The following ZMAT1 variants were observed in gnomAD, a reference collection of about 807,000 sequenced individuals.
ZMAT1 encodes the protein zinc finger matrin-type protein 1.
In ZMAT1, 11 loss-of-function variants were observed where a neutral mutation model predicts 18.5. The observed-to-expected ratio is 0.59, with a 90% CI of 0.37 to 0.98. ZMAT1 has a LOEUF of 0.98. Among genes scored for constraint, ZMAT1 ranks in the 50% least tolerant of loss-of-function variants. The pLI is 0.01. For synonymous variants in ZMAT1, 211 were observed against 176.4 expected, an observed-to-expected ratio of 1.20 and a Z score of -1.55; for missense variants, 525 against 496.2, an observed-to-expected ratio of 1.06 and a Z score of -0.55.
chrX:101,904,416 C>A, intron 1 of ZMAT1, 86 bp from the exon 2 acceptor site: 5 of 701,811 alleles, frequency 7.1e-6, no homozygotes, highest in African/African-American at 4.4e-5. Context: ...TATATGATTT[C>A]ATATGATACT....
At chrX:101,892,518 C>T (rs935812338) in intron 4 of ZMAT1, among the ~76,000 whole-genome samples, 1 of 111,288 alleles carries the variant, frequency 9.0e-6, no homozygotes, top group African/African-American at 3.3e-5. Context: ...GTGTAGGTGA[C>T]TAATAAACAT....
chrX:101,925,520 C>G (rs942090101), intron 1 of ZMAT1, among the ~76,000 whole-genome samples: 1 of 112,002 alleles, frequency 8.9e-6, no homozygotes, highest in East Asian at 2.8e-4. Context: ...CCATCTTTAC[C>G]CACAACTATA....
intron 1 of ZMAT1, among the ~76,000 whole-genome samples, chrX:101,920,586 G>A (rs1929654379): frequency 8.9e-6 from 1 of 111,836 alleles, no homozygotes; most frequent in African/African-American, 3.2e-5. Context: ...GGTAGACTGT[G>A]AGTTCTGCAA....
Position 101,898,110 on chromosome X carries a change from A to C in ZMAT1, c.501+9T>G. 8.3e-7 allele frequency: 1 copy of C among 1,208,783 alleles called. No homozygotes were observed. Among genetic ancestry groups the C allele is most frequent in the East Asian group, 3.0e-5 (1 of 33,829 alleles). On this transcript the variant is annotated intron_variant, in intron 3 of 5. Transcript: ENST00000651725. Reference sequence around the variant, plus strand: ...AGTTTGGATTACAATACCAACACACATCACTCACCTGAAAATTCTCAACAT... The same window carrying C: ...AGTTTGGATTACAATACCAACACACCTCACTCACCTGAAAATTCTCAACAT...
At chrX:101,931,393 A>C in intron 1 of ZMAT1, 7 of 726,183 alleles carry the variant, frequency 9.6e-6, no homozygotes, top group Non-Finnish European at 1.1e-5. Flanking sequence ...CCTACAGCAC[A>C]CTAAGGTGTC....
intron 1 of ZMAT1, among the ~76,000 whole-genome samples, chrX:101,912,461 A>G (rs1929031969): frequency 8.9e-6 from 1 of 112,695 alleles, no homozygotes; most frequent in South Asian, 3.6e-4. Flanking sequence ...GAGAAATCCA[A>G]CAAATGCCTT....
At chrX:101,926,065 A>G (rs1447274355) in intron 1 of ZMAT1, among the ~76,000 whole-genome samples, 1 of 112,326 alleles carries the variant, frequency 8.9e-6, no homozygotes, top group Non-Finnish European at 1.9e-5. Flanking sequence ...TGAGGGAGGT[A>G]AACTGTAAAA....
intron 1 of ZMAT1, among the ~76,000 whole-genome samples, chrX:101,918,190 G>A (rs1040054893): frequency 1.8e-5 from 2 of 111,362 alleles, no homozygotes; most frequent in African/African-American, 6.5e-5. Flanking sequence ...TGGGTTGTTT[G>A]AAACTCAATG....
intron 4 of ZMAT1, among the ~76,000 whole-genome samples, chrX:101,896,214 T>C (rs1416063143): frequency 8.9e-6 from 1 of 112,222 alleles, no homozygotes; most frequent in Non-Finnish European, 1.9e-5. Flanking sequence ...ACATATGATA[T>C]TAACTTCTAA....
intron 1 of ZMAT1, among the ~76,000 whole-genome samples, chrX:101,923,593 C>T (rs1372699495): frequency 8.9e-6 from 1 of 111,732 alleles, no homozygotes; most frequent in East Asian, 2.8e-4. Context: ...CTTCCATTAT[C>T]TTTATTTTCT....
At chrX:101,908,034 C>T in intron 1 of ZMAT1, among the ~76,000 whole-genome samples, 1 of 112,124 alleles carries the variant, frequency 8.9e-6, no homozygotes, top group East Asian at 2.8e-4. Flanking sequence ...ACTAAAAAGG[C>T]TTACTTTTAA....
chrX:101,929,409 TATATAGAGAG>T (rs1326879287), intron 1 of ZMAT1, among the ~76,000 whole-genome samples: 9 of 68,793 alleles, frequency 1.3e-4, no homozygotes, highest in Non-Finnish European at 2.7e-4. Flanking sequence ...ATATATTCTA[TATATAGAGAG>T]AGATTATATA....
chrX:101,902,014 C>A (rs988758430), intron 2 of ZMAT1, among the ~76,000 whole-genome samples: 4 of 111,910 alleles, frequency 3.6e-5, no homozygotes, highest in African/African-American at 9.7e-5. Context: ...AGAATAGATA[C>A]CTAGAAGTGG....
intron 1 of ZMAT1, among the ~76,000 whole-genome samples, chrX:101,912,444 A>T (rs1929031241): frequency 1.8e-5 from 2 of 112,564 alleles, no homozygotes; most frequent in African/African-American, 6.5e-5. Context: ...GAGATGTTCA[A>T]ATTGGTGAGA....
intron 1 of ZMAT1, among the ~76,000 whole-genome samples, chrX:101,928,750 T>C (rs1488506889): frequency 8.9e-6 from 1 of 112,557 alleles, no homozygotes; most frequent in Non-Finnish European, 1.9e-5. Context: ...GTTAGGGCAT[T>C]GCTACACAAA....
intron 1 of ZMAT1, chrX:101,911,974 G>A: frequency 8.3e-7 from 1 of 1,199,827 alleles, no homozygotes; most frequent in Non-Finnish European, 1.1e-6. Context: ...AGCACCGGAG[G>A]ATCCACACAG....
In ZMAT1 at chrX:101,898,102, C is replaced by T; in HGVS notation, c.501+17G>A. 8.3e-7 allele frequency: 1 copy of T among 1,206,706 alleles called. No homozygotes were observed. The highest frequency in any genetic ancestry group is 1.8e-5 in the South Asian group (1 of 56,666). On this transcript the variant is annotated intron_variant, in intron 3 of 5. Transcript: ENST00000651725. ...TAACTCAAAGTTTGGATTACAATAC[C>T]AACACACATCACTCACCTGAAAATT...
chrX:101,887,028 T>C (rs41305429), intron 4 of ZMAT1: 14,754 of 162,330 alleles, frequency 0.091, 663 homozygotes, highest in Non-Finnish European at 0.14. Context: ...TTACTGTTGC[T>C]ACATGGAGGT....
intron 4 of ZMAT1, chrX:101,887,625 TACC>T (rs1156674605): frequency 9.0e-6 from 1 of 111,209 alleles, no homozygotes; most frequent in Non-Finnish European, 1.9e-5. Context: ...AATTAATTAT[TACC>T]AAGTATATTG....
Sources: gnomAD v4.1 joint callset for allele counts (sites outside exome capture counted in the v4.1 genomes callset) on GRCh38, gnomAD v4.1.1 for gene constraint, MANE v1.5 for transcripts, NCBI Gene and HGNC (gene_info 2026-07-23, HGNC 2026-07-21) for gene names.